Variants in KIAA1328 observed in about 807,000 individuals in gnomAD.
KIAA1328 encodes the protein protein hinderin.
A neutral mutation model predicts 68.1 loss-of-function variants in KIAA1328; 52 were observed. That is an observed-to-expected ratio of 0.76 (90% CI 0.61 to 0.96). The LOEUF (loss-of-function observed/expected upper bound fraction) is 0.96. Among genes scored for constraint, KIAA1328 ranks in the 40% least tolerant of loss-of-function variants. KIAA1328 has a pLI of 0.00. For missense variants in KIAA1328, 641 were observed against 677.6 expected, an observed-to-expected ratio of 0.95 and a Z score of 0.60; for synonymous variants, 232 against 239.4, an observed-to-expected ratio of 0.97 and a Z score of 0.28.
intron 7 of KIAA1328, among the ~76,000 whole-genome samples, chr18:37,136,815 A>G (rs2058656172): frequency 6.6e-6 from 1 of 152,250 alleles, no homozygotes; most frequent in Non-Finnish European, 1.5e-5. Flanking sequence ...ATTGAAATAG[A>G]CATTAACTGA....
intron 6 of KIAA1328, among the ~76,000 whole-genome samples, chr18:37,055,489 C>T (rs2171106): frequency 0.4 from 61,529 of 152,062 alleles, 14,320 homozygotes; most frequent in African/African-American, 0.64. Context: ...AATCTGCCAG[C>T]AGAGGAGAGT....
intron 5 of KIAA1328, among the ~76,000 whole-genome samples, chr18:36,899,461 A>G (rs16968370): frequency 0.16 from 24,395 of 151,880 alleles, 2,149 homozygotes; most frequent in African/African-American, 0.22. Flanking sequence ...CTGAATCTGC[A>G]TAATCTGACA....
At chr18:37,155,329 T>A (rs1036371199) in intron 7 of KIAA1328, among the ~76,000 whole-genome samples, 7 of 152,170 alleles carry the variant, frequency 4.6e-5, no homozygotes, top group African/African-American at 1.4e-4. Context: ...CAAATTACTT[T>A]CTTGAAATAT....
chr18:37,223,185 C>T lies in KIAA1328; in HGVS notation c.*958C>T, dbSNP rs542947277. On this transcript the variant is annotated 3_prime_UTR_variant, in exon 10 of 10. Transcript: ENST00000280020. ...TCCTCTGGCCCTCCCTTTTCCTCCA[C>T]GAGGATTAAAGGATACAAGCTGACC... 1.6e-4 allele frequency: 153 copies of T among 985,096 alleles called. No homozygotes were observed. The highest frequency in any genetic ancestry group is 9.4e-4 in the South Asian group (20 of 21,258). The allele number at this position is 985,096 out of a possible 1,614,324, so 61.0% of individuals were successfully genotyped here.
At chr18:37,057,876 A>AGG (rs1280761570) in intron 6 of KIAA1328, among the ~76,000 whole-genome samples, 2 of 152,346 alleles carry the variant, frequency 1.3e-5, no homozygotes, top group East Asian at 3.9e-4. Flanking sequence ...TGGCCTGCAA[A>AGG]GCCAAAAATA....
chr18:36,887,134 A>T (rs929923538), intron 5 of KIAA1328, among the ~76,000 whole-genome samples: 1 of 133,470 alleles, frequency 7.5e-6, no homozygotes. Context: ...TTTTTGGCCC[A>T]CTTTGACTTC....
At chr18:37,151,507 A>C (rs1310451377) in intron 7 of KIAA1328, among the ~76,000 whole-genome samples, 3 of 152,186 alleles carry the variant, frequency 2.0e-5, no homozygotes, top group Non-Finnish European at 4.4e-5. Context: ...TGAAGGACTT[A>C]TGCTACCTAA....
At chr18:37,131,095 C>T (rs889330353) in intron 7 of KIAA1328, among the ~76,000 whole-genome samples, 1 of 152,080 alleles carries the variant, frequency 6.6e-6, no homozygotes, top group Non-Finnish European at 1.5e-5. Context: ...CAGAAAGCTC[C>T]CTGGGTGATT....
downstream of KIAA1328, among the ~76,000 whole-genome samples, chr18:37,226,966 C>T (rs920293934): frequency 1.1e-4 from 16 of 152,182 alleles, no homozygotes; most frequent in African/African-American, 3.9e-4. Flanking sequence ...GGGGTTTCCC[C>T]ATGTTGGTCA....
At chr18:37,130,157 G>T (rs2058488247) in intron 7 of KIAA1328, among the ~76,000 whole-genome samples, 1 of 152,142 alleles carries the variant, frequency 6.6e-6, no homozygotes, top group Non-Finnish European at 1.5e-5. Flanking sequence ...TGAGTTTTAT[G>T]TATAATATAT....
intron 7 of KIAA1328, among the ~76,000 whole-genome samples, chr18:37,155,373 A>G (rs1356170566): frequency 6.6e-6 from 1 of 152,204 alleles, no homozygotes; most frequent in South Asian, 2.1e-4. Context: ...CTCAAGCTGC[A>G]GTTAATTTTT....
intron 5 of KIAA1328, among the ~76,000 whole-genome samples, chr18:36,899,985 T>C (rs1405612841): frequency 6.6e-6 from 1 of 151,948 alleles, no homozygotes; most frequent in Non-Finnish European, 1.5e-5. Flanking sequence ...TTACACAGAA[T>C]TCACTGAGAT....
chr18:36,914,069 T>G (rs1490551272), intron 5 of KIAA1328, among the ~76,000 whole-genome samples: 2 of 152,208 alleles, frequency 1.3e-5, no homozygotes, highest in East Asian at 3.9e-4. Context: ...GGTATAAATT[T>G]TACCTGAAAA....
intron 3 of KIAA1328, among the ~76,000 whole-genome samples, chr18:36,841,229 A>C (rs1006452340): frequency 6.6e-6 from 1 of 151,488 alleles, no homozygotes; most frequent in African/African-American, 2.4e-5. Context: ...CTCTGCAGCA[A>C]GTTCCCTCTC....
chr18:37,132,686 T>C (rs982071456), intron 7 of KIAA1328, among the ~76,000 whole-genome samples: 1 of 152,192 alleles, frequency 6.6e-6, no homozygotes, highest in Non-Finnish European at 1.5e-5. Flanking sequence ...TTATTGATAA[T>C]ATAGGAATAG....
intron 6 of KIAA1328, among the ~76,000 whole-genome samples, chr18:37,028,860 G>T (rs1017954224): frequency 6.6e-6 from 1 of 152,162 alleles, no homozygotes; most frequent in Non-Finnish European, 1.5e-5. Context: ...TTGTATTTCA[G>T]TAATAAAGCC....
intron 6 of KIAA1328, among the ~76,000 whole-genome samples, chr18:36,989,363 C>G (rs7238503): frequency 0.73 from 111,465 of 152,140 alleles, 43,975 homozygotes; most frequent in South Asian, 0.89. Context: ...ATGTTATACT[C>G]TTATTTGGAT....
intron 7 of KIAA1328, chr18:37,075,146 C>G (rs1444091052): frequency 6.6e-6 from 1 of 152,000 alleles, no homozygotes; most frequent in Non-Finnish European, 1.5e-5. Flanking sequence ...GGCAGAAACT[C>G]TACAAGCCAG....
At chr18:36,834,495 T>G (rs970681491) in intron 2 of KIAA1328, 140 bp downstream of exon 2, 1 of 640,264 alleles carries the variant, frequency 1.6e-6, no homozygotes. Flanking sequence ...TTGTTTTTTT[T>G]GAATATTTGT....
Sources: gnomAD v4.1 joint callset for allele counts (sites outside exome capture counted in the v4.1 genomes callset) on GRCh38, gnomAD v4.1.1 for gene constraint, MANE v1.5 for transcripts, NCBI Gene and HGNC (gene_info 2026-07-23, HGNC 2026-07-21) for gene names.